The following SOX6 variants were observed in gnomAD, a reference collection of about 807,000 sequenced individuals.
SOX6 encodes SRY-box transcription factor 6, also known as transcription factor SOX-6.
A neutral mutation model predicts 97.8 loss-of-function variants in SOX6; 11 were observed. The observed-to-expected ratio is 0.11, with a 90% CI of 0.07 to 0.19. The LOEUF is 0.19. SOX6 is among the 10% of genes least tolerant of loss of function. The probability of loss-of-function intolerance (pLI) is 1.00; values close to 1 mark genes in which losing one functional copy is unlikely to be tolerated. For synonymous variants in SOX6, 360 were observed against 371.4 expected (o/e 0.97, Z 0.35); for missense variants, 810 against 1,039.5 (o/e 0.78, Z 3.04).
At chr11:15,980,624 T>C (rs139795937) in intron 15 of SOX6, among the ~76,000 whole-genome samples, 159 of 152,140 alleles carry the variant, frequency 1.0e-3, no homozygotes, top group Non-Finnish European at 1.7e-3. Context: ...TTAGGCTGCT[T>C]CTTTTTTTTA....
intron 1 of SOX6, among the ~76,000 whole-genome samples, chr11:16,395,605 G>T (rs564551713): frequency 6.6e-6 from 1 of 151,848 alleles, no homozygotes; most frequent in Admixed American, 6.6e-5. Flanking sequence ...CAGATTCTGT[G>T]GGGCCAGGGT....
At chr11:16,542,346 G>A (rs1362342234) in intron 4 of SOX6, among the ~76,000 whole-genome samples, 1 of 152,090 alleles carries the variant, frequency 6.6e-6, no homozygotes, top group Non-Finnish European at 1.5e-5. Flanking sequence ...GATAGCATTA[G>A]GAGAAATACC....
intron 10 of SOX6, among the ~76,000 whole-genome samples, chr11:16,053,479 C>G: frequency 6.6e-6 from 1 of 152,086 alleles, no homozygotes; most frequent in East Asian, 1.9e-4. Flanking sequence ...GCATCACTAC[C>G]ATCACTAACA....
At chr11:16,081,193 A>T (rs771233048) in intron 9 of SOX6, among the ~76,000 whole-genome samples, 1 of 152,104 alleles carries the variant, frequency 6.6e-6, no homozygotes, top group African/African-American at 2.4e-5. Flanking sequence ...GTATTTAGTA[A>T]TATCTCTCCT....
chr11:16,017,454 AAAG>A (rs1854921969), intron 12 of SOX6, among the ~76,000 whole-genome samples: 1 of 152,084 alleles, frequency 6.6e-6, no homozygotes, highest in Non-Finnish European at 1.5e-5. Flanking sequence ...GTTTGAGATT[AAAG>A]AAGGACCCTG....
intron 3 of SOX6, among the ~76,000 whole-genome samples, chr11:16,679,231 G>T (rs1269722129): frequency 6.6e-6 from 1 of 152,146 alleles, no homozygotes. Context: ...ACCTCATACA[G>T]GTGGGTGCCC....
At chr11:16,538,961 T>G (rs1299833735) in intron 4 of SOX6, among the ~76,000 whole-genome samples, 3 of 152,196 alleles carry the variant, frequency 2.0e-5, no homozygotes, top group African/African-American at 7.2e-5. Flanking sequence ...AACTCAGCTC[T>G]GCACCAAGTG....
At chr11:16,227,960 G>A (rs543935468) in intron 4 of SOX6, among the ~76,000 whole-genome samples, 2 of 152,222 alleles carry the variant, frequency 1.3e-5, no homozygotes, top group East Asian at 3.9e-4. Context: ...CACTTTGGGA[G>A]GCCAAGGCAG....
At chr11:16,515,788 C>G (rs1354143423) in intron 4 of SOX6, among the ~76,000 whole-genome samples, 1 of 123,698 alleles carries the variant, frequency 8.1e-6, no homozygotes, top group Non-Finnish European at 1.7e-5. Context: ...TTCCCAGCAC[C>G]ATTTATTAAA....
intron 6 of SOX6, among the ~76,000 whole-genome samples, chr11:16,127,021 A>G (rs971471341): frequency 1.3e-5 from 2 of 152,100 alleles, no homozygotes; most frequent in Admixed American, 6.6e-5. Flanking sequence ...AATACCCATA[A>G]TGATAAATTC....
chr11:16,617,658 C>A (rs1199837183), intron 3 of SOX6, among the ~76,000 whole-genome samples: 1 of 151,800 alleles, frequency 6.6e-6, no homozygotes, highest in Non-Finnish European at 1.5e-5. Context: ...CAGATATAAA[C>A]AGTGAACAGT....
At chr11:16,446,292 A>G (rs1859609657) in intron 1 of SOX6, among the ~76,000 whole-genome samples, 1 of 152,088 alleles carries the variant, frequency 6.6e-6, no homozygotes, top group Non-Finnish European at 1.5e-5. Flanking sequence ...AAAGAAAGAG[A>G]CAGAAAGTAG....
intron 3 of SOX6, among the ~76,000 whole-genome samples, chr11:16,272,973 G>A (rs927988715): frequency 1.3e-5 from 2 of 151,858 alleles, no homozygotes; most frequent in Non-Finnish European, 2.9e-5. Flanking sequence ...CATGGTTTAA[G>A]TCAAAATGTT....
intron 9 of SOX6, among the ~76,000 whole-genome samples, chr11:16,069,168 A>C (rs1448551464): frequency 1.3e-5 from 2 of 152,226 alleles, no homozygotes; most frequent in East Asian, 3.9e-4. Flanking sequence ...TGCAAACACC[A>C]GAAAACAAAA....
At chr11:16,247,077 C>T (rs1048078250) in intron 3 of SOX6, among the ~76,000 whole-genome samples, 1 of 152,152 alleles carries the variant, frequency 6.6e-6, no homozygotes, top group African/African-American at 2.4e-5. Flanking sequence ...TCCTTCCCAG[C>T]TACTGGTAAT....
chr11:16,184,948 C>T (rs1487402973), intron 5 of SOX6, among the ~76,000 whole-genome samples: 1 of 152,124 alleles, frequency 6.6e-6, no homozygotes, highest in Non-Finnish European at 1.5e-5. Context: ...TCTTTTCTTC[C>T]TATTTCTTCC....
chr11:16,697,318 G>A (rs956000839), intron 3 of SOX6, among the ~76,000 whole-genome samples: 3 of 152,070 alleles, frequency 2.0e-5, no homozygotes, highest in Non-Finnish European at 4.4e-5. Context: ...ATGGCATCTA[G>A]AATGGTGACT....
Position 16,026,322 on chromosome 11 carries a change from C to T in SOX6, c.1624-11272G>A, listed in dbSNP as rs1335284887. 2.0e-5 allele frequency among the ~76,000 whole-genome samples: 3 copies of T among 152,022 alleles called. No individual in the cohort carries two copies. The East Asian group carries it at 5.8e-4, about 29-fold the overall frequency. ...ATGCATTTTTTTCAAACAAGCCTAC[C>T]AAAGCATGGTCACCCTTAGCCAAAA... On this transcript the variant is annotated intron_variant, in intron 12 of 15. Transcript: ENST00000683767.
At chr11:16,352,794 G>T (rs750491215) in intron 1 of SOX6, among the ~76,000 whole-genome samples, 3 of 151,940 alleles carry the variant, frequency 2.0e-5, no homozygotes, top group Non-Finnish European at 4.4e-5. Flanking sequence ...TACTTCTACA[G>T]TTTGAGATAT....
Sources: gnomAD v4.1 joint callset for allele counts (sites outside exome capture counted in the v4.1 genomes callset) on GRCh38, gnomAD v4.1.1 for gene constraint, MANE v1.5 for transcripts, NCBI Gene and HGNC (gene_info 2026-07-23, HGNC 2026-07-21) for gene names.